The following RNF213 variants were observed in gnomAD, a reference collection of about 807,000 sequenced individuals.
The protein encoded by RNF213 is ring finger protein 213.
Under a neutral mutation model 514.4 loss-of-function variants are expected in RNF213, and 341 were observed. That is an observed-to-expected ratio of 0.66 (90% confidence interval 0.61 to 0.73). RNF213 has a LOEUF of 0.73. RNF213 is among the 30% of genes least tolerant of loss of function. The pLI is 0.00. For synonymous variants in RNF213, 2,655 were observed against 2,658.2 expected, an observed-to-expected ratio of 1.00 and a Z score of 0.04; for missense variants, 5,767 against 6,615.6, an observed-to-expected ratio of 0.87 and a Z score of 4.45.
chr17:80,362,141 A>G (rs1450842319), intron 39 of RNF213, among the ~76,000 whole-genome samples: 1 of 152,224 alleles, frequency 6.6e-6, no homozygotes, highest in Non-Finnish European at 1.5e-5. Context: ...AAGACCTCCA[A>G]TTTCCTTGAC....
rs567662792 is a variant in RNF213, at chr17:80,394,127, A to G, written c.*629A>G. 1.3e-5 allele frequency: 2 copies of G among 153,708 alleles called. No individual in the cohort carries two copies. The highest frequency in any genetic ancestry group is 4.8e-5 in the African/African-American group (2 of 41,588). The allele number at this position is 153,708 out of a possible 1,614,324, so 9.5% of individuals were successfully genotyped here. A position where few individuals can be genotyped will look rare whatever the true frequency, so the allele number is the denominator to read the frequency against. On this transcript the variant is annotated 3_prime_UTR_variant, in exon 68 of 68. Coordinates refer to ENST00000582970, the MANE Select transcript of RNF213 (RefSeq NM_001256071.3). ...GCCCCACTTCAGAGGGTAAGAGCCA[A>G]AAGCCTCATTGTGAAAGGCACTGGA...
intron 3 of RNF213, among the ~76,000 whole-genome samples, chr17:80,273,914 C>T (rs1046274138): frequency 2.0e-5 from 3 of 151,976 alleles, no homozygotes; most frequent in Non-Finnish European, 4.4e-5. Flanking sequence ...GCCACCGCGC[C>T]CGGCCTCCAC....
At chr17:80,289,982 C>A in intron 6 of RNF213, 145 bp downstream of exon 6, 1 of 896,982 alleles carries the variant, frequency 1.1e-6, no homozygotes, top group Non-Finnish European at 1.8e-6. Flanking sequence ...AAGGGGACCA[C>A]TTAGGAGGTG....
In RNF213 at chr17:80,372,029, T is replaced by C. The variant is rs369855123; in HGVS notation, c.12537+44T>C. ...CCCTGAATTTCTTTTGGAAACTATC[T>C]GAACCACATGGTTTAAAATTTACAG... is the stretch of plus-strand genomic sequence containing the variant. On this transcript the variant is annotated intron_variant, in intron 47 of 67. Transcript: ENST00000582970. 20 of 993,384 alleles carry C rather than the reference T, an allele frequency of 2.0e-5. No individual in the cohort carries two copies. In the African/African-American group the frequency reaches 2.9e-4, roughly 14 times the overall value. 61.5% of individuals were successfully genotyped at this position (993,384 alleles called of 1,614,324 possible).
At position 80,364,509 on chromosome 17, in the gene RNF213, G is replaced by A. The variant is rs371080115; in HGVS notation, c.11827G>A (p.Glu3943Lys). 1.7e-5 allele frequency: 27 copies of A among 1,614,002 alleles called. No homozygotes were observed. Among genetic ancestry groups the A allele is most frequent in the East Asian group, 6.7e-5 (3 of 44,890 alleles). The change falls in exon 42 of 68, where the codon GAG (glutamate) becomes AAG (lysine). Residue 3943 changes from glutamate (E) to lysine (K), a missense_variant. Coordinates refer to ENST00000582970, the MANE Select transcript of RNF213 (RefSeq NM_001256071.3). ...CCTAGGAACCGAGAGCCGCGTCCCC[G>A]AGTTACAGGGGCTGGTGACCGAGCA... ...VLLGTESRVPELQGLVTEHVF... is the reference protein window; with the variant it reads ...VLLGTESRVPKLQGLVTEHVF...
chr17:80,371,579 CATAA>C (rs1178975136), intron 46 of RNF213: 1 of 215,666 alleles, frequency 4.6e-6, no homozygotes, highest in Non-Finnish European at 9.2e-6. Flanking sequence ...TTCCTAATAT[CATAA>C]ATATTGATAA....
rs2080618986 is a variant in RNF213, at chr17:80,394,943, G to A, written c.*1445G>A. ...TTCCGACTGCCTATGAACGGGTGTG[G>A]GGGCCGGGGGCTGGCTTGCTGAAGT... On this transcript the variant is annotated 3_prime_UTR_variant, in exon 68 of 68. Coordinates refer to ENST00000582970, the MANE Select transcript of RNF213 (RefSeq NM_001256071.3). 6.6e-6 allele frequency: 1 copy of A among 152,256 alleles called. No homozygotes were observed. The highest frequency in any genetic ancestry group is 1.5e-5 in the Non-Finnish European group (1 of 68,182). The allele number at this position is 152,256 out of a possible 1,614,324, so 9.4% of individuals were successfully genotyped here. A position where few individuals can be genotyped will look rare whatever the true frequency, so the allele number is the denominator to read the frequency against.
At chr17:80,267,031 A>G (rs1388519743) in intron 2 of RNF213, among the ~76,000 whole-genome samples, 1 of 151,924 alleles carries the variant, frequency 6.6e-6, no homozygotes, top group Non-Finnish European at 1.5e-5. Flanking sequence ...AGCCTGGCCA[A>G]CGTGGTGAAA....
At chr17:80,388,881 CT>C (rs2144657894) in intron 64 of RNF213, 192 bp downstream of exon 64, 1 of 644,508 alleles carries the variant, frequency 1.6e-6, no homozygotes, top group Admixed American at 2.5e-5. Flanking sequence ...AGATTGACAT[CT>C]TGTGGGTTTG....
At chr17:80,372,300 TTAGA>T (rs1484000361) in intron 47 of RNF213, among the ~76,000 whole-genome samples, 1 of 152,056 alleles carries the variant, frequency 6.6e-6, no homozygotes. Context: ...TGTAAATAAA[TTAGA>T]TAATTTTTTT....
At chr17:80,261,605 A>G (rs1474886904) in intron 1 of RNF213, among the ~76,000 whole-genome samples, 10 of 152,208 alleles carry the variant, frequency 6.6e-5, no homozygotes, top group African/African-American at 2.4e-4. Flanking sequence ...TTTGGGTGGC[A>G]GTGTCTGTGC....
At chr17:80,270,687 CT>C (rs1343846326) in intron 2 of RNF213, among the ~76,000 whole-genome samples, 1 of 152,154 alleles carries the variant, frequency 6.6e-6, no homozygotes, top group Non-Finnish European at 1.5e-5. Flanking sequence ...TTTAGGGAAG[CT>C]CGTTTTGCTT....
chr17:80,277,065 CAAACAAACCAAA>C (rs987911446), intron 3 of RNF213, among the ~76,000 whole-genome samples: 16 of 148,168 alleles, frequency 1.1e-4, no homozygotes, highest in Admixed American at 3.4e-4. Flanking sequence ...CAAAACAAAG[CAAACAAACCAAA>C]AAAAAAACAA....
chr17:80,385,564 A>C lies in RNF213; in HGVS notation c.14482A>C (p.Arg4828=). The part of the protein sequence containing the change: ...SDGLRQLLHN[R]ITVFLSTWNK... ...TGGGTTGAGGCAGCTGCTTCACAAC[A>C]GGATCACAGTCTTTCTGTCCACATG... The change falls in exon 61 of 68, where the codon AGG becomes CGG. Residue 4828 remains arginine, a synonymous_variant. Coordinates refer to ENST00000582970, the MANE Select transcript of RNF213 (RefSeq NM_001256071.3). The C allele has an allele frequency of 6.2e-7, 1 of 1,614,184 alleles. No homozygotes were observed. The highest frequency in any genetic ancestry group is 1.1e-5 in the South Asian group (1 of 91,078).
At chr17:80,363,360 C>T in intron 40 of RNF213, 46 bp downstream of exon 40, 2 of 1,564,086 alleles carry the variant, frequency 1.3e-6, no homozygotes, top group Non-Finnish European at 1.8e-6. Context: ...GTGGTGCTTC[C>T]AACTCCACTC....
At chr17:80,344,599 T>G in intron 28 of RNF213, 79 bp from the exon 29 acceptor site, 1 of 1,495,418 alleles carries the variant, frequency 6.7e-7, no homozygotes, top group Admixed American at 1.7e-5. Context: ...CCAATATAGA[T>G]AACGTGGAGG....
Position 80,328,372 on chromosome 17 carries a change from G to A in RNF213, c.3412G>A (p.Glu1138Lys). 1 of 1,537,218 alleles carries A rather than the reference G, an allele frequency of 6.5e-7. No individual in the cohort carries two copies. The highest frequency in any genetic ancestry group is 8.7e-7 in the Non-Finnish European group (1 of 1,146,864). ...SPQDEQCAVE[E>K]ALDWRREELL... The stretch of plus-strand genomic sequence containing the variant: ...CCAGGATGAACAATGTGCTGTGGAG[G>A]AAGCACTGGATTGGAGAAGGGAGGA... Residue 1138 changes from glutamate (E) to lysine (K), a missense_variant, in exon 20 of 68, where the codon GAA (glutamate) becomes AAA (lysine). Coordinates refer to ENST00000582970, the MANE Select transcript of RNF213 (RefSeq NM_001256071.3).
intron 11 of RNF213, among the ~76,000 whole-genome samples, chr17:80,303,593 C>T (rs935767631): frequency 1.4e-5 from 2 of 146,308 alleles, no homozygotes; most frequent in Non-Finnish European, 3.0e-5. Context: ...TGAGACAGTC[C>T]TGCTCTGTCG....
At chr17:80,324,956 AATTT>A in intron 17 of RNF213, 70 bp from the exon 18 acceptor site, 1 of 1,370,660 alleles carries the variant, frequency 7.3e-7, no homozygotes, top group Non-Finnish European at 1.0e-6. Flanking sequence ...TCGAGTAGGT[AATTT>A]GCTTTTGTTA....
Sources: allele counts gnomAD v4.1 joint callset (sites outside exome capture counted in the v4.1 genomes callset), GRCh38; gene constraint gnomAD v4.1.1; transcripts MANE v1.5; gene names NCBI Gene and HGNC (gene_info 2026-07-23, HGNC 2026-07-21).